KCNMA1: variants seen among roughly 807,000 people sequenced by gnomAD.
KCNMA1 encodes Calcium-activated potassium channel subunit alpha-1.
A neutral mutation model predicts 140.0 loss-of-function variants in KCNMA1; 29 were observed. The ratio of observed to expected loss-of-function variants is 0.21; its 90% confidence interval spans 0.15 to 0.28. The LOEUF is 0.28. Ranked by LOEUF, KCNMA1 falls within the 10% of genes least tolerant of loss-of-function variation. The probability of loss-of-function intolerance (pLI) is 1.00; values close to 1 mark genes in which losing one functional copy is unlikely to be tolerated. For missense variants in KCNMA1, 880 were observed against 1,602.2 expected (o/e 0.55, Z 7.70); for synonymous variants, 612 against 611.9 (o/e 1.00, Z 0.00).
intron 2 of KCNMA1, among the ~76,000 whole-genome samples, chr10:77,395,853 C>A (rs1483643101): frequency 1.3e-5 from 2 of 152,330 alleles, no homozygotes; most frequent in East Asian, 3.9e-4. Flanking sequence ...TCAATTATTT[C>A]TCTGACTCAT....
At chr10:77,186,720 T>C (rs149399537) in intron 3 of KCNMA1, among the ~76,000 whole-genome samples, 25 of 151,870 alleles carry the variant, frequency 1.6e-4, no homozygotes, top group Non-Finnish European at 2.9e-4. Flanking sequence ...AGAAATCCTA[T>C]AGACTCCAGG....
At chr10:77,544,340 G>A (rs1039957851) in intron 1 of KCNMA1, among the ~76,000 whole-genome samples, 1 of 152,162 alleles carries the variant, frequency 6.6e-6, no homozygotes, top group African/African-American at 2.4e-5. Context: ...ATTCCCAAGT[G>A]GTTGAGAGGG....
chr10:77,172,386 C>T (rs755954989), intron 5 of KCNMA1, among the ~76,000 whole-genome samples: 2 of 152,264 alleles, frequency 1.3e-5, no homozygotes, highest in Non-Finnish European at 2.9e-5. Context: ...GATTTAGAAT[C>T]TCTACTTACG....
intron 2 of KCNMA1, among the ~76,000 whole-genome samples, chr10:77,258,094 T>C (rs1264049466): frequency 1.3e-5 from 2 of 152,204 alleles, no homozygotes; most frequent in African/African-American, 4.8e-5. Flanking sequence ...TCTCTGGGTC[T>C]AAGTTTCCCA....
At chr10:76,939,895 G>C (rs1353660605) in intron 23 of KCNMA1, 2 of 152,220 alleles carry the variant, frequency 1.3e-5, no homozygotes. Flanking sequence ...AGTCTGGCAA[G>C]AGCCACTGTT....
intron 5 of KCNMA1, among the ~76,000 whole-genome samples, chr10:77,164,336 C>A (rs758100138): frequency 7.9e-5 from 12 of 152,220 alleles, no homozygotes; most frequent in Non-Finnish European, 1.5e-4. Context: ...GAACACACAC[C>A]AGCAGGAAGA....
chr10:77,160,221 C>A (rs1208530850), intron 5 of KCNMA1, among the ~76,000 whole-genome samples: 3 of 152,154 alleles, frequency 2.0e-5, no homozygotes, highest in Non-Finnish European at 4.4e-5. Flanking sequence ...CAGCTGCCTC[C>A]CTATATGATC....
intron 16 of KCNMA1, among the ~76,000 whole-genome samples, chr10:77,025,281 T>TATATATATATATATATAC (rs1394239548): frequency 9.0e-5 from 11 of 122,264 alleles, no homozygotes; most frequent in Admixed American, 1.7e-4. Context: ...TATATATATA[T>TATATATATATATATATAC]ACACACACAC....
Position 77,132,821 on chromosome 10 carries a change from T to C in KCNMA1, c.809-11773A>G, listed in dbSNP as rs545144937. 2.0e-5 allele frequency among the ~76,000 whole-genome samples: 3 copies of C among 152,278 alleles called. No individual in the cohort carries two copies. In the South Asian group the frequency reaches 6.2e-4, roughly 32 times the overall value. ...AGATTAATTTGAACCAAGTAATATA[T>C]ACTTAGCCAGTTGAAAGAAAAATAA... On this transcript the variant is annotated intron_variant, in intron 5 of 27. Transcript: ENST00000286628.
intron 2 of KCNMA1, among the ~76,000 whole-genome samples, chr10:77,361,079 G>A (rs944016297): frequency 2.6e-5 from 4 of 152,190 alleles, no homozygotes; most frequent in Non-Finnish European, 5.9e-5. Context: ...GAGTCTGAAA[G>A]TTACTTAATC....
chr10:77,300,542 T>A (rs962347335), intron 2 of KCNMA1, among the ~76,000 whole-genome samples: 3 of 152,226 alleles, frequency 2.0e-5, no homozygotes. Flanking sequence ...GATCTTATAA[T>A]CAGTCCATAT....
At chr10:77,537,663 GA>G (rs908952435) in intron 1 of KCNMA1, among the ~76,000 whole-genome samples, 1 of 151,474 alleles carries the variant, frequency 6.6e-6, no homozygotes, top group East Asian at 1.9e-4. Context: ...TCTAAAGGAA[GA>G]AAAAAAAATT....
chr10:77,295,805 A>C (rs187024309), intron 2 of KCNMA1, among the ~76,000 whole-genome samples: 25,298 of 136,798 alleles, frequency 0.18, 2,397 homozygotes, highest in African/African-American at 0.21. Flanking sequence ...AAAAAAAAAA[A>C]AAAAAAAAAA....
At chr10:77,479,719 C>T (rs533007901) in intron 1 of KCNMA1, among the ~76,000 whole-genome samples, 1 of 152,208 alleles carries the variant, frequency 6.6e-6, no homozygotes, top group East Asian at 1.9e-4. Context: ...TAAGCCCTCG[C>T]CCCTGTGCCC....
chr10:77,440,688 T>TA (rs2097376373), intron 1 of KCNMA1, among the ~76,000 whole-genome samples: 1 of 152,232 alleles, frequency 6.6e-6, no homozygotes, highest in Non-Finnish European at 1.5e-5. Flanking sequence ...AAAACCCCTC[T>TA]ACCGTGAGCT....
At chr10:77,257,118 A>AC (rs2060939215) in intron 2 of KCNMA1, among the ~76,000 whole-genome samples, 1 of 152,172 alleles carries the variant, frequency 6.6e-6, no homozygotes, top group Admixed American at 6.5e-5. Flanking sequence ...TCACACACAC[A>AC]AAAAAGAAAA....
At chr10:77,131,964 C>CA (rs34972346) in intron 5 of KCNMA1, among the ~76,000 whole-genome samples, 204 of 92,470 alleles carry the variant, frequency 2.2e-3, no homozygotes, top group African/African-American at 6.0e-3. Flanking sequence ...GACTCGGTCT[C>CA]AAAAAAAAAA....
intron 1 of KCNMA1, among the ~76,000 whole-genome samples, chr10:77,550,588 A>G (rs1449804717): frequency 6.6e-6 from 1 of 152,222 alleles, no homozygotes; most frequent in East Asian, 1.9e-4. Context: ...CCCTGAAAAC[A>G]TTCTGGAGCA....
chr10:77,296,672 G>A (rs1251542669), intron 2 of KCNMA1, among the ~76,000 whole-genome samples: 1 of 151,974 alleles, frequency 6.6e-6, no homozygotes, highest in Non-Finnish European at 1.5e-5. Context: ...CCCTTAGTTG[G>A]TCTGATGGTA....
Sources: gnomAD v4.1 joint callset for allele counts (sites outside exome capture counted in the v4.1 genomes callset) on GRCh38, gnomAD v4.1.1 for gene constraint, MANE v1.5 for transcripts, NCBI Gene and HGNC (gene_info 2026-07-23, HGNC 2026-07-21) for gene names.